The following KCND2 variants were observed in gnomAD, a reference collection of about 807,000 sequenced individuals.
KCND2 encodes A-type voltage-gated potassium channel KCND2.
Under a neutral mutation model 54.4 loss-of-function variants are expected in KCND2, and 16 were observed. The ratio of observed to expected loss-of-function variants is 0.29; its 90% CI spans 0.20 to 0.45. The LOEUF (loss-of-function observed/expected upper bound fraction) is 0.45. KCND2 is among the 20% of genes least tolerant of loss of function. KCND2 has a pLI of 1.00. For synonymous variants in KCND2, 317 were observed against 310.7 expected, an observed-to-expected ratio of 1.02 and a Z score of -0.21; for missense variants, 486 against 824.2, an observed-to-expected ratio of 0.59 and a Z score of 5.02.
At chr7:120,452,673 A>C (rs6977949) in intron 1 of KCND2, among the ~76,000 whole-genome samples, 9,327 of 152,098 alleles carry the variant, frequency 0.061, 878 homozygotes, top group African/African-American at 0.21. Context: ...TGACGCCCCC[A>C]TGGACTCTTG....
intron 1 of KCND2, among the ~76,000 whole-genome samples, chr7:120,664,831 G>A (rs987238882): frequency 5.3e-5 from 8 of 152,062 alleles, no homozygotes; most frequent in East Asian, 1.9e-4. Flanking sequence ...ATCTGTAGGC[G>A]AGATGTGTGG....
At chr7:120,330,777 C>A (rs571469763) in intron 1 of KCND2, among the ~76,000 whole-genome samples, 16 of 151,978 alleles carry the variant, frequency 1.1e-4, no homozygotes, top group African/African-American at 3.6e-4. Context: ...CTTGAAGGTG[C>A]AGAGCAATTA....
At chr7:120,689,704 C>G in intron 1 of KCND2, among the ~76,000 whole-genome samples, 1 of 152,320 alleles carries the variant, frequency 6.6e-6, no homozygotes, top group Non-Finnish European at 1.5e-5. Flanking sequence ...CTTTGTAGCA[C>G]GGAATATGCA....
At chr7:120,273,130 G>A (rs1180488849), upstream of KCND2, among the ~76,000 whole-genome samples, 1 of 152,184 alleles carries the variant, frequency 6.6e-6, no homozygotes, top group African/African-American at 2.4e-5. Flanking sequence ...GAGGGGGCGG[G>A]GGCGGAGAAA....
intron 1 of KCND2, among the ~76,000 whole-genome samples, chr7:120,363,563 A>T (rs925470285): frequency 1.3e-5 from 2 of 151,960 alleles, no homozygotes; most frequent in African/African-American, 4.8e-5. Flanking sequence ...TTGCTTCCAC[A>T]CTGGTCAGCT....
At chr7:120,744,724 G>A (rs1792984137) in intron 4 of KCND2, among the ~76,000 whole-genome samples, 2 of 152,104 alleles carry the variant, frequency 1.3e-5, no homozygotes, top group Non-Finnish European at 2.9e-5. Context: ...TTATTAGCCA[G>A]TGTCTTGCTT....
At chr7:120,549,025 C>CAAATA (rs1792075881) in intron 1 of KCND2, among the ~76,000 whole-genome samples, 1 of 151,874 alleles carries the variant, frequency 6.6e-6, no homozygotes, top group Non-Finnish European at 1.5e-5. Flanking sequence ...ACTTTGGATT[C>CAAATA]AAATAAAAGT....
At chr7:120,692,503 C>G (rs1390409522) in intron 1 of KCND2, among the ~76,000 whole-genome samples, 1 of 152,068 alleles carries the variant, frequency 6.6e-6, no homozygotes, top group African/African-American at 2.4e-5. Context: ...CAACAGGACC[C>G]AAATTCCTCA....
chr7:120,542,591 T>C (rs1272034614), intron 1 of KCND2, among the ~76,000 whole-genome samples: 1 of 152,152 alleles, frequency 6.6e-6, no homozygotes, highest in Non-Finnish European at 1.5e-5. Flanking sequence ...CCATGTTCTA[T>C]ATAGTTCATG....
At chr7:120,543,199 T>C (rs1792002892) in intron 1 of KCND2, among the ~76,000 whole-genome samples, 1 of 152,080 alleles carries the variant, frequency 6.6e-6, no homozygotes. Flanking sequence ...TTCTCTGATA[T>C]GCCAACATCA....
chr7:120,513,941 A>G (rs1382223766), intron 1 of KCND2, among the ~76,000 whole-genome samples: 1 of 152,142 alleles, frequency 6.6e-6, no homozygotes, highest in Non-Finnish European at 1.5e-5. Flanking sequence ...ACACAGGCTA[A>G]CATTTAATGT....
intron 1 of KCND2, among the ~76,000 whole-genome samples, chr7:120,623,828 A>C (rs1234139844): frequency 6.6e-6 from 1 of 152,196 alleles, no homozygotes; most frequent in Admixed American, 6.5e-5. Flanking sequence ...GAATGGCTGA[A>C]GTGGAGGGAA....
intron 1 of KCND2, among the ~76,000 whole-genome samples, chr7:120,447,150 C>G (rs1159814137): frequency 6.6e-6 from 1 of 151,910 alleles, no homozygotes; most frequent in African/African-American, 2.4e-5. Flanking sequence ...GCCCCAAAGC[C>G]CATACTTATA....
intron 1 of KCND2, among the ~76,000 whole-genome samples, chr7:120,283,958 T>C (rs1337122615): frequency 2.0e-5 from 3 of 152,120 alleles, no homozygotes; most frequent in African/African-American, 7.2e-5. Context: ...AGATGTGTGA[T>C]GAAAACTTGC....
chr7:120,346,991 A>G (rs998615025), intron 1 of KCND2, among the ~76,000 whole-genome samples: 1 of 152,114 alleles, frequency 6.6e-6, no homozygotes, highest in Non-Finnish European at 1.5e-5. Context: ...TAATGGGAGG[A>G]CAATAAAATT....
intron 1 of KCND2, among the ~76,000 whole-genome samples, chr7:120,536,490 A>G (rs1041364102): frequency 1.3e-5 from 2 of 152,178 alleles, no homozygotes; most frequent in Non-Finnish European, 1.5e-5. Flanking sequence ...ATAGTATTTT[A>G]CCAAGAGTAG....
At position 120,737,035 on chromosome 7, in the gene KCND2, TACACACACACACAC is replaced by T. The variant is rs768582158; in HGVS notation, c.1278+3998_1278+4011del. On this transcript the variant is annotated intron_variant, in intron 2 of 5. Transcript: ENST00000331113. ...ATTCATTAGAATCATCTGGAAAGCTTACACACACACACACACACACACACACACACACACACACA... is the reference window on the plus strand; with the variant it reads ...ATTCATTAGAATCATCTGGAAAGCTTACACACACACACACACACACACACA... Among the ~76,000 whole-genome samples, 109 of 98,762 alleles carry T rather than the reference TACACACACACACAC, an allele frequency of 1.1e-3. 1 individual carries two copies. The highest frequency in any genetic ancestry group is 4.4e-3 in the African/African-American group (102 of 22,938). 64.8% of individuals were successfully genotyped at this position (98,762 alleles called of 152,430 possible).
intron 1 of KCND2, among the ~76,000 whole-genome samples, chr7:120,360,679 T>C (rs1194790600): frequency 6.6e-6 from 1 of 152,094 alleles, no homozygotes; most frequent in African/African-American, 2.4e-5. Flanking sequence ...TTTTCTTCCC[T>C]GTCATTGACA....
intron 1 of KCND2, among the ~76,000 whole-genome samples, chr7:120,654,347 G>T (rs1440171263): frequency 6.6e-6 from 1 of 152,186 alleles, no homozygotes; most frequent in Non-Finnish European, 1.5e-5. Context: ...TGAATATGAG[G>T]AGTAATAGAT....
Sources: gnomAD v4.1 joint callset for allele counts (sites outside exome capture counted in the v4.1 genomes callset) on GRCh38, gnomAD v4.1.1 for gene constraint, MANE v1.5 for transcripts, NCBI Gene and HGNC (gene_info 2026-07-23, HGNC 2026-07-21) for gene names.